PPP3CA: variants seen among roughly 807,000 people sequenced by gnomAD.
PPP3CA encodes the protein protein phosphatase 3 catalytic subunit alpha.
A neutral mutation model predicts 66.5 loss-of-function variants in PPP3CA; 14 were observed. The ratio of observed to expected loss-of-function variants is 0.21; its 90% CI spans 0.14 to 0.33. The LOEUF (loss-of-function observed/expected upper bound fraction) is 0.33. Ranked by LOEUF, PPP3CA falls within the 10% of genes least tolerant of loss-of-function variation. The pLI, the probability that PPP3CA is intolerant of heterozygous loss-of-function variation, is 1.00. For synonymous variants in PPP3CA, 232 were observed against 226.2 expected, an observed-to-expected ratio of 1.03 and a Z score of -0.23; for missense variants, 317 against 639.5, an observed-to-expected ratio of 0.50 and a Z score of 5.44.
At chr4:101,113,696 A>C (rs866938672) in intron 2 of PPP3CA, among the ~76,000 whole-genome samples, 5 of 152,084 alleles carry the variant, frequency 3.3e-5, no homozygotes, top group Non-Finnish European at 7.4e-5. Flanking sequence ...CAACATACTA[A>C]AGTATCCAGG....
chr4:101,297,143 A>C (rs2110295034), intron 1 of PPP3CA, among the ~76,000 whole-genome samples: 2 of 152,310 alleles, frequency 1.3e-5, no homozygotes, highest in Middle Eastern at 3.4e-3. Flanking sequence ...CCTCATTTAT[A>C]ATCGTCTTTT....
chr4:101,145,052 A>C (rs796144710), intron 2 of PPP3CA, among the ~76,000 whole-genome samples: 1 of 152,170 alleles, frequency 6.6e-6, no homozygotes, highest in Non-Finnish European at 1.5e-5. Flanking sequence ...GGCATTAAAT[A>C]AAAAAATACT....
chr4:101,333,909 C>G (rs1729537148), intron 1 of PPP3CA, among the ~76,000 whole-genome samples: 1 of 152,134 alleles, frequency 6.6e-6, no homozygotes, highest in African/African-American at 2.4e-5. Flanking sequence ...TGGACAGTAA[C>G]CTTCAGATTG....
At chr4:101,180,710 G>C (rs1724207380) in intron 2 of PPP3CA, among the ~76,000 whole-genome samples, 9 of 151,978 alleles carry the variant, frequency 5.9e-5, no homozygotes, top group Admixed American at 5.2e-4. Context: ...GGTAAATTAG[G>C]TTTACGGGTC....
intron 1 of PPP3CA, among the ~76,000 whole-genome samples, chr4:101,322,208 C>A (rs905815218): frequency 6.6e-6 from 1 of 152,088 alleles, no homozygotes; most frequent in South Asian, 2.1e-4. Flanking sequence ...CACTACCGCT[C>A]TGGTCTAAAT....
At chr4:101,136,459 T>C (rs542431009) in intron 2 of PPP3CA, among the ~76,000 whole-genome samples, 186 of 152,102 alleles carry the variant, frequency 1.2e-3, no homozygotes, top group Non-Finnish European at 2.1e-3. Context: ...GAGAATGGCT[T>C]GAACCCGGGA....
chr4:101,062,654 A>C (rs1728517829), intron 9 of PPP3CA, among the ~76,000 whole-genome samples: 1 of 151,996 alleles, frequency 6.6e-6, no homozygotes, highest in Admixed American at 6.6e-5. Flanking sequence ...GTAGGAAGAA[A>C]GTTAACAAAT....
chr4:101,056,207 G>C (rs1166971713), intron 10 of PPP3CA, among the ~76,000 whole-genome samples: 1 of 152,090 alleles, frequency 6.6e-6, no homozygotes, highest in Non-Finnish European at 1.5e-5. Flanking sequence ...GATAATAATA[G>C]TACCTATATC....
chr4:101,206,472 T>C (rs1007623259), intron 1 of PPP3CA, among the ~76,000 whole-genome samples: 4 of 152,214 alleles, frequency 2.6e-5, no homozygotes, highest in Non-Finnish European at 5.9e-5. Flanking sequence ...TCTTGGGAGA[T>C]AATTTGCATC....
rs142383374 is a variant in PPP3CA, at chr4:101,225,515, C to T, written c.59-29399G>A. Among the ~76,000 whole-genome samples the T allele has an allele frequency of 7.3e-3, 1,106 of 151,678 alleles. 11 individuals are homozygous for T. Among genetic ancestry groups the T allele is most frequent in the African/African-American group, 0.026 (1,057 of 41,400 alleles). On this transcript the variant is annotated intron_variant, in intron 1 of 13. Coordinates refer to ENST00000394854, the MANE Select transcript of PPP3CA (RefSeq NM_000944.5). ...TTCAAATGACCATTTTGCAAATGTC[C>T]CTTTAGGTATCTTTGAAATACACAG...
intron 1 of PPP3CA, among the ~76,000 whole-genome samples, chr4:101,322,144 T>C (rs998596306): frequency 5.3e-5 from 8 of 152,156 alleles, no homozygotes; most frequent in African/African-American, 1.9e-4. Context: ...AAAACATGCC[T>C]AATCTTACCC....
chr4:101,161,096 C>T (rs1311670792), intron 2 of PPP3CA, among the ~76,000 whole-genome samples: 2 of 152,066 alleles, frequency 1.3e-5, no homozygotes, highest in Non-Finnish European at 2.9e-5. Flanking sequence ...AAATACTTAC[C>T]TTTGTGTTAC....
At chr4:101,305,412 T>C (rs990625649) in intron 1 of PPP3CA, among the ~76,000 whole-genome samples, 3 of 152,218 alleles carry the variant, frequency 2.0e-5, no homozygotes, top group African/African-American at 4.8e-5. Context: ...TTATTGTTTA[T>C]GGAAATGTCT....
At chr4:101,243,494 A>G (rs573367507) in intron 1 of PPP3CA, among the ~76,000 whole-genome samples, 2 of 152,276 alleles carry the variant, frequency 1.3e-5, no homozygotes, top group South Asian at 4.1e-4. Flanking sequence ...AAAAACAGCA[A>G]CTATACTGAA....
chr4:101,272,960 G>A (rs1422640097), intron 1 of PPP3CA, among the ~76,000 whole-genome samples: 1 of 152,134 alleles, frequency 6.6e-6, no homozygotes, highest in African/African-American at 2.4e-5. Flanking sequence ...AAGCAGGAAG[G>A]GAGCAGAAGA....
At chr4:101,069,698 C>A (rs1254528597) in intron 8 of PPP3CA, among the ~76,000 whole-genome samples, 3 of 152,106 alleles carry the variant, frequency 2.0e-5, no homozygotes, top group Non-Finnish European at 4.4e-5. Context: ...GCAAGACCAA[C>A]CCCTCTTCCT....
At chr4:101,100,119 G>C (rs1475999802) in intron 3 of PPP3CA, among the ~76,000 whole-genome samples, 1 of 152,068 alleles carries the variant, frequency 6.6e-6, no homozygotes, top group Non-Finnish European at 1.5e-5. Flanking sequence ...GCTATGTGTA[G>C]TGAGATTCCC....
chr4:101,230,597 G>C (rs2110223248), intron 1 of PPP3CA, among the ~76,000 whole-genome samples: 1 of 151,648 alleles, frequency 6.6e-6, no homozygotes, highest in South Asian at 2.1e-4. Context: ...TCCCAACTGT[G>C]TGTCTGCTTC....
At chr4:101,138,528 G>C (rs529543990) in intron 2 of PPP3CA, among the ~76,000 whole-genome samples, 1 of 152,218 alleles carries the variant, frequency 6.6e-6, no homozygotes, top group Non-Finnish European at 1.5e-5. Context: ...TTGGGTTTTA[G>C]AATATTTATC....
Sources: gnomAD v4.1 joint callset for allele counts (sites outside exome capture counted in the v4.1 genomes callset) on GRCh38, gnomAD v4.1.1 for gene constraint, MANE v1.5 for transcripts, NCBI Gene and HGNC (gene_info 2026-07-23, HGNC 2026-07-21) for gene names.